Variants in MYH7B observed in about 807,000 individuals in gnomAD.
MYH7B encodes the protein myosin-7B.
In MYH7B, 205 loss-of-function variants were observed where a neutral mutation model predicts 234.5. That is an observed-to-expected ratio of 0.87 (90% CI 0.78 to 0.98). MYH7B has a LOEUF of 0.98. Ranked by LOEUF, MYH7B falls within the 50% of genes least tolerant of loss-of-function variation. The pLI, the probability that MYH7B is intolerant of heterozygous loss-of-function variation, is 0.00. For synonymous variants in MYH7B, 1,193 were observed against 1,105.0 expected, an observed-to-expected ratio of 1.08 and a Z score of -1.58; for missense variants, 2,652 against 2,633.4, an observed-to-expected ratio of 1.01 and a Z score of -0.15.
chr20:34,986,031 C>T lies in MYH7B; in HGVS notation c.806-69C>T, dbSNP rs560589696. ...CTCCCTGCCCACCTCTCTCCCTCCGCATCGCCCCCTTGGGATGTCCACTCT... is the reference window on the plus strand; with the variant it reads ...CTCCCTGCCCACCTCTCTCCCTCCGTATCGCCCCCTTGGGATGTCCACTCT... On this transcript the variant is annotated intron_variant, in intron 13 of 44. Transcript: ENST00000262873. 6.7e-5 allele frequency: 90 copies of T among 1,348,190 alleles called. 1 individual carries two copies. In the Middle Eastern group the frequency reaches 1.5e-3, roughly 23 times the overall value. The allele number at this position is 1,348,190 out of a possible 1,614,324, so 83.5% of individuals were successfully genotyped here.
intron 18 of MYH7B, 60 bp downstream of exon 18, chr20:34,987,974 G>C (rs547049334): frequency 1.2e-5 from 19 of 1,556,614 alleles, no homozygotes; most frequent in South Asian, 3.7e-5. Flanking sequence ...ATGGGCCTGT[G>C]GGGGGGCAGA....
At chr20:34,990,788 C>A in exon 23 of MYH7B, 1 of 1,614,210 alleles carries the variant, frequency 6.2e-7, no homozygotes, top group South Asian at 1.1e-5. Flanking sequence ...AGCCCCACTT[C>A]GTCCGCTGCA....
chr20:34,975,642 A>G, intron 3 of MYH7B, 143 bp downstream of exon 3: 2 of 602,342 alleles, frequency 3.3e-6, no homozygotes, highest in South Asian at 4.1e-5. Flanking sequence ...TCATTTCCTA[A>G]TGGAGACACA....
At chr20:34,983,954 TGA>T (rs1189218681) in intron 10 of MYH7B, among the ~76,000 whole-genome samples, 1 of 152,138 alleles carries the variant, frequency 6.6e-6, no homozygotes, top group Non-Finnish European at 1.5e-5. Flanking sequence ...AAAGTGAGGA[TGA>T]GGCTAGGATG....
chr20:34,961,743 C>T (rs374036847), intron 2 of MYH7B, among the ~76,000 whole-genome samples: 1 of 152,248 alleles, frequency 6.6e-6, no homozygotes, highest in Admixed American at 6.5e-5. Context: ...TGGAATCCTA[C>T]AATCTGTGGC....
At chr20:34,999,682 T>TGGA in exon 37 of MYH7B, 1 of 1,613,176 alleles carries the variant, frequency 6.2e-7, no homozygotes, top group Non-Finnish European at 8.5e-7. Flanking sequence ...CAGGCTGCAC[T>TGGA]GGAGGAGGCA....
chr20:34,999,247 A>C (rs1177223944), exon 36 of MYH7B: 1 of 1,607,134 alleles, frequency 6.2e-7, no homozygotes, highest in South Asian at 1.1e-5. Context: ...CGGGCACTGG[A>C]GGAACGGCGG....
At position 34,997,070 on chromosome 20, in the gene MYH7B, C is replaced by CT. The variant is rs1219873641; in HGVS notation, c.3267-12dup. The CT allele has an allele frequency of 6.5e-7, 1 of 1,547,416 alleles. No individual in the cohort carries two copies. Among genetic ancestry groups the CT allele is most frequent in the Admixed American group, 2.0e-5 (1 of 50,878 alleles). ...TTAAGGCCTGTGCTGGCCACCCACT[C>CT]TGTGGCTCCCAGGAAGGACTCCGAG... On this transcript the variant is annotated splice_polypyrimidine_tract_variant and intron_variant, in intron 30 of 44. Coordinates refer to ENST00000262873, the Ensembl canonical transcript of MYH7B.
chr20:34,981,640 C>G (rs12626029), intron 9 of MYH7B: 2,221 of 152,742 alleles, frequency 0.015, 139 homozygotes, highest in Admixed American at 0.099. Context: ...CACTTGACGT[C>G]AGGAGTTCGA....
At chr20:34,990,553 G>T in intron 22 of MYH7B, 185 bp from the exon 23 acceptor site, 1 of 799,002 alleles carries the variant, frequency 1.3e-6, no homozygotes, top group Non-Finnish European at 2.2e-6. Flanking sequence ...ATTTGGCAGG[G>T]AAGTGAAGAC....
At chr20:34,997,695 C>T in intron 32 of MYH7B, 55 bp downstream of exon 32, 3 of 1,595,970 alleles carry the variant, frequency 1.9e-6, no homozygotes, top group Non-Finnish European at 2.6e-6. Context: ...AATCCCGATC[C>T]CAGCAGCCAA....
intron 24 of MYH7B, among the ~76,000 whole-genome samples, chr20:34,991,336 G>C (rs866475486): frequency 6.6e-6 from 1 of 152,210 alleles, no homozygotes; most frequent in African/African-American, 2.4e-5. Flanking sequence ...AATAGTGGAG[G>C]TGGAGCCTAC....
chr20:34,992,311 G>T (rs577884939), intron 24 of MYH7B, among the ~76,000 whole-genome samples: 2 of 150,676 alleles, frequency 1.3e-5, no homozygotes, highest in African/African-American at 4.9e-5. Flanking sequence ...GCCTGAACCC[G>T]GGAGGCAGAG....
exon 32 of MYH7B, chr20:34,997,401 G>T: frequency 6.7e-7 from 1 of 1,485,864 alleles, no homozygotes; most frequent in South Asian, 1.3e-5. Context: ...GCAGCGCGAG[G>T]GCTGCCGCAA....
chr20:35,002,231 C>CACATCTGG (rs1434929069), exon 45 of MYH7B: 2 of 1,504,910 alleles, frequency 1.3e-6, no homozygotes. Context: ...TCTGCTGTTG[C>CACATCTGG]ACATCTGGCT....
intron 10 of MYH7B, among the ~76,000 whole-genome samples, chr20:34,983,298 C>CTTTTTTTTTTTTTTTTTTT (rs57589264): frequency 1.5e-4 from 11 of 71,650 alleles, no homozygotes; most frequent in East Asian, 6.1e-4. Flanking sequence ...CTTTTCTTTT[C>CTTTTTTTTTTTTTTTTTTT]TTTTTTTTTT....
intron 9 of MYH7B, among the ~76,000 whole-genome samples, chr20:34,982,245 G>C (rs2081951346): frequency 6.6e-6 from 1 of 152,130 alleles, no homozygotes; most frequent in African/African-American, 2.4e-5. Flanking sequence ...CACTGAGTTA[G>C]TCCGTAGTGG....
rs1328114515 is a variant in MYH7B at position 34,989,729 on chromosome 20, T to C, written c.1588-11T>C. The C allele has an allele frequency of 2.5e-6, 4 of 1,612,698 alleles. No individual in the cohort carries two copies. The Admixed American group carries it at 5.0e-5, about 20-fold the overall frequency. Reference sequence around the variant, plus strand: ...CTTGATGGTGGCTTTTCAAGCTCGTTCTGTTCCCAGCCACTGGGCATCCTG... The same window carrying C: ...CTTGATGGTGGCTTTTCAAGCTCGTCCTGTTCCCAGCCACTGGGCATCCTG... On this transcript the variant is annotated splice_polypyrimidine_tract_variant and intron_variant, in intron 19 of 44. Coordinates refer to ENST00000262873, the Ensembl canonical transcript of MYH7B.
chr20:34,967,559 C>A (rs937023539), intron 2 of MYH7B, among the ~76,000 whole-genome samples: 1 of 152,064 alleles, frequency 6.6e-6, no homozygotes, highest in Non-Finnish European at 1.5e-5. Flanking sequence ...GCTACAGCAC[C>A]CCCCGCCCTC....
Sources: gnomAD v4.1 joint callset for allele counts (sites outside exome capture counted in the v4.1 genomes callset) on GRCh38, gnomAD v4.1.1 for gene constraint, MANE v1.5 for transcripts, NCBI Gene and HGNC (gene_info 2026-07-23, HGNC 2026-07-21) for gene names.